ZIM2: variants seen among roughly 807,000 people sequenced by gnomAD.
The protein encoded by ZIM2 is zinc finger protein 656.
A neutral mutation model predicts 38.6 loss-of-function variants in ZIM2; 14 were observed. That is an observed-to-expected ratio of 0.36 (90% CI 0.24 to 0.57). The LOEUF (loss-of-function observed/expected upper bound fraction) is 0.57, where lower values mean the gene tolerates loss of function less well. ZIM2 is among the 20% of genes least tolerant of loss of function. The probability of loss-of-function intolerance (pLI) is 0.81; values close to 1 mark genes in which losing one functional copy is unlikely to be tolerated. For missense variants in ZIM2, 680 were observed against 695.1 expected, an observed-to-expected ratio of 0.98 and a Z score of 0.24; for synonymous variants, 247 against 245.8, an observed-to-expected ratio of 1.00 and a Z score of -0.04.
chr19:56,811,264 A>G, intron 9 of ZIM2: 1 of 944,694 alleles, frequency 1.1e-6, no homozygotes, highest in East Asian at 1.2e-4. Flanking sequence ...CAACAACACC[A>G]CAACAGCTTT....
intron 12 of ZIM2, among the ~76,000 whole-genome samples, chr19:56,778,902 G>C (rs1414038650): frequency 1.3e-5 from 2 of 152,152 alleles, no homozygotes; most frequent in Non-Finnish European, 2.9e-5. Context: ...TTTTGTGGAA[G>C]TTTCAGAAAA....
At chr19:56,813,239 C>T (rs1405777074) in intron 9 of ZIM2, 2 of 979,702 alleles carry the variant, frequency 2.0e-6, no homozygotes, top group Non-Finnish European at 2.4e-6. Context: ...AGGTAAGGTA[C>T]CTCTGCAGAG....
intron 1 of ZIM2, among the ~76,000 whole-genome samples, chr19:56,838,888 C>G (rs1350846043): frequency 6.6e-6 from 1 of 152,178 alleles, no homozygotes; most frequent in African/African-American, 2.4e-5. Flanking sequence ...TGCGGCAAAC[C>G]GCAGCCGCCC....
At chr19:56,824,484 C>A (rs140343570) in intron 3 of ZIM2, 57 bp from the exon 4 acceptor site, 11 of 1,613,992 alleles carry the variant, frequency 6.8e-6, no homozygotes, top group African/African-American at 2.7e-5. Flanking sequence ...CGAGGCCCAA[C>A]AAATTCCACA....
At chr19:56,800,813 A>G (rs1048070390) in intron 9 of ZIM2, among the ~76,000 whole-genome samples, 2 of 152,186 alleles carry the variant, frequency 1.3e-5, no homozygotes, top group East Asian at 3.8e-4. Flanking sequence ...AGTCTGTGGA[A>G]GAAAATTTAT....
In ZIM2 at chr19:56,775,187, G is replaced by T; in HGVS notation, c.1178C>A (p.Ala393Asp). The change falls in exon 13 of 13, where the codon GCT becomes GAT. Residue 393 changes from alanine (A) to aspartate (D), a missense_variant. Ala to Asp is a moderately radical substitution (Grantham distance 126). Transcript: ENST00000629319. ...GKKPYECKQC[A>D]EAFYLMPHLN... ...GTGTGGCATGAGATAGAAGGCTTCA[G>T]CACACTGTTTACATTCATAGGGTTT... 1 of 1,614,152 alleles carries T rather than the reference G, an allele frequency of 6.2e-7. No homozygotes were observed. Among genetic ancestry groups the T allele is most frequent in the African/African-American group, 1.3e-5 (1 of 75,022 alleles).
chr19:56,783,589 C>A (rs1237648768), intron 10 of ZIM2, among the ~76,000 whole-genome samples: 1 of 152,190 alleles, frequency 6.6e-6, no homozygotes, highest in East Asian at 1.9e-4. Context: ...AACCAAATAC[C>A]ACGTGTTCTC....
chr19:56,839,817 C>G (rs778531785), intron 1 of ZIM2, among the ~76,000 whole-genome samples: 1 of 151,238 alleles, frequency 6.6e-6, no homozygotes, highest in Non-Finnish European at 1.5e-5. Context: ...AGATGGCACC[C>G]AGTGGGTGGG....
chr19:56,775,659 A>G, intron 12 of ZIM2, 130 bp from the exon 13 acceptor site: 1 of 1,400,692 alleles, frequency 7.1e-7, no homozygotes, highest in Non-Finnish European at 9.3e-7. Flanking sequence ...CCTAATCTGA[A>G]AAAAAAAAAG....
At chr19:56,795,442 C>T (rs1234075040) in intron 9 of ZIM2, among the ~76,000 whole-genome samples, 4 of 152,236 alleles carry the variant, frequency 2.6e-5, no homozygotes, top group African/African-American at 9.6e-5. Context: ...GGCCGCTATC[C>T]TACCCCGGGC....
At chr19:56,816,244 T>C (rs2059967878) in intron 9 of ZIM2, 1 of 1,614,158 alleles carries the variant, frequency 6.2e-7, no homozygotes, top group Non-Finnish European at 8.5e-7. Context: ...AGTATGACTC[T>C]TCTGAGATTC....
intron 2 of ZIM2, among the ~76,000 whole-genome samples, chr19:56,835,435 C>T (rs1190140903): frequency 6.6e-6 from 1 of 152,168 alleles, no homozygotes; most frequent in African/African-American, 2.4e-5. Context: ...ACAACCCTAT[C>T]CCCTCTGCTG....
chr19:56,837,608 C>T (rs910896250), intron 1 of ZIM2, among the ~76,000 whole-genome samples: 2 of 152,236 alleles, frequency 1.3e-5, no homozygotes, highest in African/African-American at 2.4e-5. Flanking sequence ...CATGAGGGCA[C>T]GCTGCCCAAG....
At chr19:56,830,841 A>AG (rs1289428865) in intron 2 of ZIM2, among the ~76,000 whole-genome samples, 3 of 152,052 alleles carry the variant, frequency 2.0e-5, no homozygotes, top group Admixed American at 2.0e-4. Flanking sequence ...AGGCTGATGC[A>AG]GGGGGGCCCT....
intron 9 of ZIM2, chr19:56,811,397 C>T: frequency 4.6e-6 from 4 of 873,766 alleles, no homozygotes; most frequent in Non-Finnish European, 5.5e-6. Flanking sequence ...TCGTGTCCTG[C>T]TTTCTCCACT....
At position 56,822,845 on chromosome 19, in the gene ZIM2, G is replaced by A. The variant is rs1292693120; in HGVS notation, c.107-9C>T. On this transcript the variant is annotated splice_polypyrimidine_tract_variant and intron_variant, in intron 5 of 12. Coordinates refer to ENST00000629319, the MANE Select transcript of ZIM2 (RefSeq NM_001387356.1). ...GTCCCAGTCCCGGTCACCTAAGCAG[G>A]TGAGACATTCCAGTGGTTAACAAAG... 5 of 1,612,288 alleles carry A rather than the reference G, an allele frequency of 3.1e-6. No homozygotes were observed. The highest frequency in any genetic ancestry group is 1.1e-5 in the South Asian group (1 of 90,518).
rs142007283 is a variant in ZIM2, at chr19:56,792,660, G to T, written c.491-2709C>A. Among the ~76,000 whole-genome samples the T allele has an allele frequency of 7.4e-3, 1,132 of 152,118 alleles. 10 individuals are homozygous for T. Among genetic ancestry groups the T allele is most frequent in the African/African-American group, 0.026 (1,077 of 41,476 alleles). ...CAATAAACACGGAAAATTCCAAAAG[G>T]GGGTAATGAGGAAGGAGGGCAAAGG... On this transcript the variant is annotated intron_variant, in intron 9 of 12. Transcript: ENST00000629319.
Position 56,822,838 on chromosome 19 carries a change from T to C in ZIM2, c.107-2A>G, listed in dbSNP as rs935958065. ...CCCTCCGGTCCCAGTCCCGGTCACC[T>C]AAGCAGGTGAGACATTCCAGTGGTT... On this transcript the variant is annotated splice_acceptor_variant, in intron 5 of 12. Coordinates refer to ENST00000629319, the MANE Select transcript of ZIM2 (RefSeq NM_001387356.1). LOFTEE classifies it high-confidence loss of function. 6.2e-7 allele frequency: 1 copy of C among 1,613,010 alleles called. No homozygotes were observed. Among genetic ancestry groups the C allele is most frequent in the Non-Finnish European group, 8.5e-7 (1 of 1,179,550 alleles).
intron 5 of ZIM2, 41 bp from the exon 6 acceptor site, chr19:56,822,877 G>C: frequency 1.3e-6 from 2 of 1,596,552 alleles, no homozygotes; most frequent in Non-Finnish European, 1.7e-6. Context: ...AAAGCTCTTT[G>C]ACACACCTGT....
Sources: gnomAD v4.1 joint callset for allele counts (sites outside exome capture counted in the v4.1 genomes callset) on GRCh38, gnomAD v4.1.1 for gene constraint, MANE v1.5 for transcripts, NCBI Gene and HGNC (gene_info 2026-07-23, HGNC 2026-07-21) for gene names.